The following MLLT3 variants were observed in gnomAD, a reference collection of about 807,000 sequenced individuals.
The protein encoded by MLLT3 is MLLT3 super elongation complex subunit.
A neutral mutation model predicts 53.2 loss-of-function variants in MLLT3; 4 were observed. The observed-to-expected ratio is 0.08, with a 90% CI of 0.04 to 0.17. MLLT3 has a LOEUF of 0.17. MLLT3 is among the 10% of genes least tolerant of loss of function. MLLT3 has a pLI of 1.00. For missense variants in MLLT3, 569 were observed against 684.0 expected (o/e 0.83, Z 1.87); for synonymous variants, 283 against 230.6 (o/e 1.23, Z -2.06).
intron 2 of MLLT3, among the ~76,000 whole-genome samples, chr9:20,610,582 C>T (rs1159360955): frequency 6.6e-6 from 1 of 152,064 alleles, no homozygotes; most frequent in Non-Finnish European, 1.5e-5. Context: ...CAATACCTGC[C>T]TTTATACGGT....
At chr9:20,464,866 G>T (rs920676998) in intron 2 of MLLT3, among the ~76,000 whole-genome samples, 3 of 151,866 alleles carry the variant, frequency 2.0e-5, no homozygotes, top group Admixed American at 2.0e-4. Flanking sequence ...TCTCTTCCAT[G>T]AATTCACCAT....
intron 2 of MLLT3, among the ~76,000 whole-genome samples, chr9:20,503,467 G>C (rs2118946345): frequency 6.6e-6 from 1 of 152,250 alleles, no homozygotes. Context: ...TTCAATAAAT[G>C]GTGTTAGGAA....
At chr9:20,556,415 T>C (rs1819058660) in intron 2 of MLLT3, among the ~76,000 whole-genome samples, 1 of 152,152 alleles carries the variant, frequency 6.6e-6, no homozygotes, top group Admixed American at 6.5e-5. Context: ...CCAGGCGCAG[T>C]GGCTCAAACC....
chr9:20,470,556 C>A (rs547184860), intron 2 of MLLT3, among the ~76,000 whole-genome samples: 1 of 152,090 alleles, frequency 6.6e-6, no homozygotes, highest in East Asian at 1.9e-4. Flanking sequence ...ATACAATCAA[C>A]CAGAAAGACT....
rs534062756 is a variant in MLLT3, at chr9:20,515,400, G to A, written c.194-58614C>T. Among the ~76,000 whole-genome samples the A allele has an allele frequency of 3.3e-5, 5 of 152,256 alleles. No individual in the cohort carries two copies. In the South Asian group the frequency reaches 6.2e-4, roughly 19 times the overall value. On this transcript the variant is annotated intron_variant, in intron 2 of 10. Transcript: ENST00000380338. ...AGTAATCTAGGACTGGCATACTTGC[G>A]GGACCTGGTGAATAGGGACTATAGG... is the stretch of plus-strand genomic sequence containing the variant.
At chr9:20,491,368 C>G (rs1400907179) in intron 2 of MLLT3, among the ~76,000 whole-genome samples, 1 of 151,866 alleles carries the variant, frequency 6.6e-6, no homozygotes, top group Non-Finnish European at 1.5e-5. Context: ...AAATGAGGAA[C>G]TATATACAGT....
At chr9:20,518,209 G>C (rs1019098787) in intron 2 of MLLT3, among the ~76,000 whole-genome samples, 1 of 152,134 alleles carries the variant, frequency 6.6e-6, no homozygotes, top group African/African-American at 2.4e-5. Context: ...GCCGGGCGTG[G>C]TGGCACGCGC....
intron 2 of MLLT3, among the ~76,000 whole-genome samples, chr9:20,523,958 C>T (rs1359059866): frequency 6.8e-6 from 1 of 147,698 alleles, no homozygotes; most frequent in African/African-American, 2.6e-5. Flanking sequence ...GCAACAGAGC[C>T]AGAACCCATC....
At chr9:20,487,008 A>G (rs1824830775) in intron 2 of MLLT3, among the ~76,000 whole-genome samples, 2 of 152,180 alleles carry the variant, frequency 1.3e-5, no homozygotes, top group Admixed American at 1.3e-4. Context: ...ATTTGTGATT[A>G]TCAATTGTTG....
intron 2 of MLLT3, among the ~76,000 whole-genome samples, chr9:20,541,801 C>A (rs757940180): frequency 6.6e-6 from 1 of 152,100 alleles, no homozygotes; most frequent in Admixed American, 6.6e-5. Flanking sequence ...ATGAGATTGC[C>A]GAAATTCAGT....
chr9:20,454,322 A>C (rs1047937498), intron 3 of MLLT3, among the ~76,000 whole-genome samples: 1 of 151,938 alleles, frequency 6.6e-6, no homozygotes, highest in Non-Finnish European at 1.5e-5. Flanking sequence ...TTCATCCTTT[A>C]CTTGTTTTCT....
At chr9:20,572,581 G>C (rs1288786752) in intron 2 of MLLT3, among the ~76,000 whole-genome samples, 1 of 152,162 alleles carries the variant, frequency 6.6e-6, no homozygotes, top group Non-Finnish European at 1.5e-5. Flanking sequence ...ATCACTTGAG[G>C]TCAGGGATTC....
chr9:20,496,405 G>T (rs1010088858), intron 2 of MLLT3, among the ~76,000 whole-genome samples: 4 of 152,006 alleles, frequency 2.6e-5, no homozygotes, highest in African/African-American at 9.7e-5. Flanking sequence ...AAAGATCTAG[G>T]CTTATAATTC....
intron 4 of MLLT3, among the ~76,000 whole-genome samples, chr9:20,446,075 T>C (rs375049405): frequency 2.7e-4 from 41 of 152,298 alleles, no homozygotes; most frequent in African/African-American, 9.4e-4. Flanking sequence ...TCTATAGAAG[T>C]TTATTTTAAT....
intron 2 of MLLT3, among the ~76,000 whole-genome samples, chr9:20,479,688 G>A (rs374692653): frequency 8.5e-5 from 13 of 152,180 alleles, no homozygotes; most frequent in African/African-American, 3.1e-4. Flanking sequence ...ATCTGTCCTA[G>A]CTTTCCTTCC....
chr9:20,478,753 G>C (rs749485845), intron 2 of MLLT3, among the ~76,000 whole-genome samples: 1 of 152,132 alleles, frequency 6.6e-6, no homozygotes, highest in East Asian at 1.9e-4. Flanking sequence ...CTTTCCTCGT[G>C]TTTAACAAGG....
At chr9:20,594,229 C>T (rs959523903) in intron 2 of MLLT3, among the ~76,000 whole-genome samples, 1 of 152,138 alleles carries the variant, frequency 6.6e-6, no homozygotes, top group African/African-American at 2.4e-5. Context: ...GTATAAGACA[C>T]CGTGCCCAAC....
intron 7 of MLLT3, among the ~76,000 whole-genome samples, chr9:20,361,401 A>G (rs1188224225): frequency 6.6e-6 from 1 of 152,220 alleles, no homozygotes; most frequent in Non-Finnish European, 1.5e-5. Context: ...AACTTCATAA[A>G]GAATGTAGAA....
intron 2 of MLLT3, among the ~76,000 whole-genome samples, chr9:20,557,201 G>A (rs576183088): frequency 3.9e-4 from 59 of 152,030 alleles, no homozygotes; most frequent in Admixed American, 3.3e-3. Flanking sequence ...TCTTCCTTAA[G>A]CAGGGGCTTT....
Sources: gnomAD v4.1 joint callset for allele counts (sites outside exome capture counted in the v4.1 genomes callset) on GRCh38, gnomAD v4.1.1 for gene constraint, MANE v1.5 for transcripts, NCBI Gene and HGNC (gene_info 2026-07-23, HGNC 2026-07-21) for gene names.